Variants in PITPNA observed in about 807,000 individuals in gnomAD.
PITPNA encodes the protein phosphatidylinositol transfer protein alpha.
In PITPNA, 13 loss-of-function variants were observed where a neutral mutation model predicts 50.3. The ratio of observed to expected loss-of-function variants is 0.26; its 90% CI spans 0.17 to 0.41. PITPNA has a LOEUF of 0.41. Among genes scored for constraint, PITPNA ranks in the 10% least tolerant of loss-of-function variants. The pLI, the probability that PITPNA is intolerant of heterozygous loss-of-function variation, is 1.00. For missense variants in PITPNA, 207 were observed against 333.4 expected (o/e 0.62, Z 2.95); for synonymous variants, 120 against 119.6 (o/e 1.00, Z -0.02).
chr17:1,558,862 T>C (rs2075753921), intron 1 of PITPNA, among the ~76,000 whole-genome samples: 1 of 142,990 alleles, frequency 7.0e-6, no homozygotes, highest in African/African-American at 2.6e-5. Flanking sequence ...TAGAACCCTG[T>C]GATTCAGTCC....
At position 1,538,923 on chromosome 17, in the gene PITPNA, T is replaced by C; in HGVS notation, c.402A>G (p.Lys134=). 1 of 1,613,754 alleles carries C rather than the reference T, an allele frequency of 6.2e-7. No individual in the cohort carries two copies. Among genetic ancestry groups the C allele is most frequent in the East Asian group, 2.2e-5 (1 of 44,884 alleles). The change falls in exon 7 of 12, where the codon AAA becomes AAG. Residue 134 remains lysine, a synonymous_variant. Transcript: ENST00000313486. ...NVHKLEPEAW[K]HVEAVYIDIA... Reference sequence around the variant, plus strand: ...TGTCTATATATACGGCTTCCACGTGTTTCCACGCCTCAGGCTCCAGCTTAT... The same window carrying C: ...TGTCTATATATACGGCTTCCACGTGCTTCCACGCCTCAGGCTCCAGCTTAT...
chr17:1,524,051 T>A (rs1186858401), intron 10 of PITPNA, among the ~76,000 whole-genome samples: 4 of 149,038 alleles, frequency 2.7e-5, no homozygotes, highest in Non-Finnish European at 6.0e-5. Context: ...TTTTCTTTTT[T>A]TTTTTTTTTT....
intron 10 of PITPNA, among the ~76,000 whole-genome samples, chr17:1,524,630 G>A (rs549050310): frequency 1.1e-4 from 17 of 152,146 alleles, no homozygotes; most frequent in African/African-American, 3.9e-4. Context: ...TTTAAGATGT[G>A]CGGTCAGGAG....
Position 1,554,909 on chromosome 17 carries a change from A to C in PITPNA, c.52-1760T>G, listed in dbSNP as rs146362274. Among the ~76,000 whole-genome samples, 1,479 of 152,320 alleles carry C rather than the reference A, an allele frequency of 9.7e-3. 9 individuals carry two copies. Among genetic ancestry groups the C allele is most frequent in the Non-Finnish European group, 0.016 (1,062 of 68,026 alleles). Reference sequence around the variant, plus strand: ...GACCTTGCTAATCCTAAGCTGCATCAGTGCTGCCTCAATGCCCCCCTGGAG... The same window carrying C: ...GACCTTGCTAATCCTAAGCTGCATCCGTGCTGCCTCAATGCCCCCCTGGAG... On this transcript the variant is annotated intron_variant, in intron 2 of 11. Transcript: ENST00000313486.
chr17:1,552,008 C>G (rs1023430025), intron 3 of PITPNA, among the ~76,000 whole-genome samples: 1 of 142,926 alleles, frequency 7.0e-6, no homozygotes, highest in Admixed American at 7.0e-5. Context: ...TTCCTCCCCA[C>G]TGCACAGCAC....
At chr17:1,528,435 T>C (rs1007023688) in intron 10 of PITPNA, among the ~76,000 whole-genome samples, 1 of 152,150 alleles carries the variant, frequency 6.6e-6, no homozygotes, top group African/African-American at 2.4e-5. Context: ...TGAGCCACCG[T>C]GCCTTAAACT....
At chr17:1,523,065 G>A (rs2075524709) in intron 10 of PITPNA, among the ~76,000 whole-genome samples, 1 of 152,182 alleles carries the variant, frequency 6.6e-6, no homozygotes, top group Non-Finnish European at 1.5e-5. Flanking sequence ...GCAGGTCTCA[G>A]ATCCACAGAT....
At chr17:1,559,887 G>T in intron 1 of PITPNA, 1 of 464,788 alleles carries the variant, frequency 2.2e-6, no homozygotes, top group Non-Finnish European at 2.8e-6. Flanking sequence ...ACTGAATGCT[G>T]CCAGTGAGCC....
intron 4 of PITPNA, among the ~76,000 whole-genome samples, chr17:1,543,369 G>A (rs996484915): frequency 1.3e-5 from 2 of 152,084 alleles, no homozygotes; most frequent in Non-Finnish European, 2.9e-5. Context: ...AGCGTTCTCC[G>A]GCGCCTCCCA....
chr17:1,542,934 C>T (rs1031578581), intron 5 of PITPNA, 86 bp downstream of exon 5: 1 of 1,018,938 alleles, frequency 9.8e-7, no homozygotes, highest in African/African-American at 1.6e-5. Context: ...AGGGAAAGAA[C>T]ACCCAAGACC....
intron 10 of PITPNA, among the ~76,000 whole-genome samples, chr17:1,524,261 G>A (rs549948555): frequency 1.4e-3 from 207 of 145,984 alleles, no homozygotes; most frequent in African/African-American, 5.0e-3. Flanking sequence ...AGCCAGGATG[G>A]TCTCCATGTC....
At chr17:1,527,489 G>T (rs759059512) in intron 10 of PITPNA, among the ~76,000 whole-genome samples, 1 of 152,056 alleles carries the variant, frequency 6.6e-6, no homozygotes, top group African/African-American at 2.4e-5. Context: ...TGATCCACCC[G>T]CCTCGGCCTC....
chr17:1,538,139 T>A (rs1280975281), intron 7 of PITPNA, among the ~76,000 whole-genome samples: 1 of 152,010 alleles, frequency 6.6e-6, no homozygotes, highest in Admixed American at 6.6e-5. Context: ...AGGAAAGAGG[T>A]ATCACACCCC....
chr17:1,543,501 A>C (rs185803273), intron 4 of PITPNA, among the ~76,000 whole-genome samples: 2 of 152,122 alleles, frequency 1.3e-5, no homozygotes, highest in East Asian at 3.9e-4. Flanking sequence ...ACTCCTGCTC[A>C]TTGTAATGGG....
chr17:1,522,071 C>CTTTTTTTTT (rs1555530261), intron 10 of PITPNA, among the ~76,000 whole-genome samples: 9 of 141,668 alleles, frequency 6.4e-5, no homozygotes, highest in African/African-American at 2.1e-4. Context: ...TATGAAACAT[C>CTTTTTTTTT]TTTTTTTTTT....
intron 3 of PITPNA, among the ~76,000 whole-genome samples, chr17:1,549,785 C>A (rs1459558518): frequency 6.9e-6 from 1 of 145,508 alleles, no homozygotes; most frequent in Admixed American, 7.2e-5. Context: ...AGCAATCCTC[C>A]TTCCTCAGCC....
In PITPNA at chr17:1,548,346, G is replaced by T; in HGVS notation, c.239C>A (p.Ala80Asp). 6.2e-7 allele frequency: 1 copy of T among 1,608,608 alleles called. No homozygotes were observed. The highest frequency in any genetic ancestry group is 8.5e-7 in the Non-Finnish European group (1 of 1,177,680). The part of the protein sequence containing the change: ...TFVRMLAPEG[A>D]LNIHEKAWNA... ...CCAGGCTTTCTCGTGTATATTCAGG[G>T]CTCCCTCTGGGGCCAGCATTCGAAC... is the stretch of plus-strand genomic sequence containing the variant. Residue 80 changes from alanine to aspartate, a missense_variant, in exon 4 of 12, where the codon GCC becomes GAC. Coordinates refer to ENST00000313486, the MANE Select transcript of PITPNA (RefSeq NM_006224.4).
intron 10 of PITPNA, among the ~76,000 whole-genome samples, chr17:1,530,407 A>T (rs900362327): frequency 3.9e-5 from 6 of 152,092 alleles, no homozygotes; most frequent in African/African-American, 1.2e-4. Context: ...AGTTCCAGAA[A>T]TTTTTTCTTT....
Position 1,562,387 on chromosome 17 carries a change from G to A in PITPNA, c.20+154C>T, listed in dbSNP as rs2075773055. Among the ~76,000 whole-genome samples, 1 of 149,434 alleles carries A rather than the reference G, an allele frequency of 6.7e-6. No individual in the cohort carries two copies. Among genetic ancestry groups the A allele is most frequent in the Non-Finnish European group, 1.5e-5 (1 of 67,136 alleles). ...CCCGCCTCACGTGCCGCCCGCCCCGGATCCCCTCCATCCCCGCTGGGCCCG... is the reference window on the plus strand; with the variant it reads ...CCCGCCTCACGTGCCGCCCGCCCCGAATCCCCTCCATCCCCGCTGGGCCCG... On this transcript the variant is annotated intron_variant, in intron 1 of 11. Coordinates refer to ENST00000313486, the MANE Select transcript of PITPNA (RefSeq NM_006224.4). This position sits in a 1 kb window ranked among gnomAD's most constrained non-coding sequence, Gnocchi z 6.4.
Sources: allele counts gnomAD v4.1 joint callset (sites outside exome capture counted in the v4.1 genomes callset), GRCh38; gene constraint gnomAD v4.1.1; non-coding constraint Gnocchi (gnomAD v3.1); transcripts MANE v1.5; gene names NCBI Gene and HGNC (gene_info 2026-07-23, HGNC 2026-07-21).